The following SGSM1 variants were observed in gnomAD, a reference collection of about 807,000 sequenced individuals.
The protein encoded by SGSM1 is small G protein signaling modulator 1, also known as RUN and TBC1 domain containing 2.
SGSM1 carries 73 observed loss-of-function variants against 133.8 expected under a neutral mutation model. The ratio of observed to expected loss-of-function variants is 0.55; its 90% confidence interval spans 0.45 to 0.66. The LOEUF (loss-of-function observed/expected upper bound fraction) is 0.66, where lower values mean the gene tolerates loss of function less well. Ranked by LOEUF, SGSM1 falls within the 30% of genes least tolerant of loss-of-function variation. The probability of loss-of-function intolerance (pLI) is 0.00; values close to 1 mark genes in which losing one functional copy is unlikely to be tolerated. For synonymous variants in SGSM1, 563 were observed against 573.0 expected, an observed-to-expected ratio of 0.98 and a Z score of 0.25; for missense variants, 1,213 against 1,448.1, an observed-to-expected ratio of 0.84 and a Z score of 2.64.
intron 9 of SGSM1, among the ~76,000 whole-genome samples, chr22:24,862,012 T>C (rs1483479328): frequency 6.7e-6 from 1 of 150,080 alleles, no homozygotes; most frequent in Non-Finnish European, 1.5e-5. Flanking sequence ...TGGAGTGCAA[T>C]GGCACAATCT....
At chr22:24,909,972 A>G (rs1933558777) in intron 21 of SGSM1, among the ~76,000 whole-genome samples, 1 of 152,266 alleles carries the variant, frequency 6.6e-6, no homozygotes. Context: ...GAATGCATAA[A>G]CAAAATGTGG....
intron 2 of SGSM1, among the ~76,000 whole-genome samples, chr22:24,818,235 A>AT (rs1928231301): frequency 6.8e-6 from 1 of 148,058 alleles, no homozygotes; most frequent in African/African-American, 2.5e-5. Flanking sequence ...CTGTCTCAAA[A>AT]AAAAAAAAAA....
In SGSM1 at chr22:24,845,618, T is replaced by C. The variant is rs868053746; in HGVS notation, c.139+646T>C. On this transcript the variant is annotated intron_variant, in intron 3 of 24. Coordinates refer to ENST00000400358, the MANE Select transcript of SGSM1 (RefSeq NM_001098497.3). Reference sequence around the variant, plus strand: ...ATTTAATAATTGGAGTGTCTCATAATGCAGGACATGTTCTAATTCCCCTCC... The same window carrying C: ...ATTTAATAATTGGAGTGTCTCATAACGCAGGACATGTTCTAATTCCCCTCC... 5.4e-4 allele frequency among the ~76,000 whole-genome samples: 83 copies of C among 152,348 alleles called. 1 individual carries two copies. Among genetic ancestry groups the C allele is most frequent in the African/African-American group, 1.9e-3 (81 of 41,584 alleles).
intron 23 of SGSM1, 88 bp from the exon 24 acceptor site, chr22:24,919,738 T>C (rs1933939993): frequency 1.6e-5 from 25 of 1,526,854 alleles, no homozygotes; most frequent in Non-Finnish European, 2.1e-5. Context: ...TGCCCGGGAT[T>C]TTCCCACCTT....
At chr22:24,913,737 A>G (rs1933717299) in intron 22 of SGSM1, among the ~76,000 whole-genome samples, 1 of 152,208 alleles carries the variant, frequency 6.6e-6, no homozygotes, top group African/African-American at 2.4e-5. Context: ...CATTAACCAT[A>G]GGCCTGGGGT....
At chr22:24,876,260 A>G (rs1846237738) in intron 12 of SGSM1, among the ~76,000 whole-genome samples, 1 of 152,158 alleles carries the variant, frequency 6.6e-6, no homozygotes, top group Non-Finnish European at 1.5e-5. Flanking sequence ...TCCTGTGAGC[A>G]TGACTAAGTG....
chr22:24,910,186 G>C (rs998911106), intron 21 of SGSM1, among the ~76,000 whole-genome samples: 2 of 152,158 alleles, frequency 1.3e-5, no homozygotes, highest in Non-Finnish European at 1.5e-5. Flanking sequence ...CAGGGACTTG[G>C]GGGAGAAAGA....
Position 24,927,136 on chromosome 22 carries a change from G to T in SGSM1, c.*2862G>T, listed in dbSNP as rs536083884. The T allele has an allele frequency of 3.3e-5, 5 of 152,260 alleles. No individual in the cohort carries two copies. In the East Asian group the frequency reaches 9.7e-4, roughly 29 times the overall value. The allele number at this position is 152,260 out of a possible 1,614,324, so 9.4% of individuals were successfully genotyped here. On this transcript the variant is annotated 3_prime_UTR_variant, in exon 25 of 25. Transcript: ENST00000400358. Reference sequence around the variant, plus strand: ...ATCCCAGGCTAGGTTCAGCTAGGAGGTTCTTCTGTTCTCAGACTTCTTCAT... The same window carrying T: ...ATCCCAGGCTAGGTTCAGCTAGGAGTTTCTTCTGTTCTCAGACTTCTTCAT...
chr22:24,839,807 T>A (rs1395323519), intron 2 of SGSM1, among the ~76,000 whole-genome samples: 1 of 152,196 alleles, frequency 6.6e-6, no homozygotes, highest in Non-Finnish European at 1.5e-5. Flanking sequence ...AATGGTTTTT[T>A]CTGTGGCATC....
intron 5 of SGSM1, among the ~76,000 whole-genome samples, chr22:24,851,100 CA>C (rs68153757): frequency 0.23 from 22,285 of 95,208 alleles, 1,453 homozygotes; most frequent in Middle Eastern, 0.35. Flanking sequence ...GACTCCATCT[CA>C]AAAAAAAAAA....
At position 24,845,963 on chromosome 22, in the gene SGSM1, T is replaced by C. The variant is rs182834622; in HGVS notation, c.139+991T>C. Among the ~76,000 whole-genome samples, 30 of 129,684 alleles carry C rather than the reference T, an allele frequency of 2.3e-4. 1 individual carries two copies. The highest frequency in any genetic ancestry group is 7.2e-4 in the African/African-American group (27 of 37,334). 85.1% of individuals were successfully genotyped at this position (129,684 alleles called of 152,430 possible). On this transcript the variant is annotated intron_variant, in intron 3 of 24. Coordinates refer to ENST00000400358, the MANE Select transcript of SGSM1 (RefSeq NM_001098497.3). ...TTCTTTTCTTTCTTTCTTTCTTTCT[T>C]TCTTTCTTTCTTTCTTTCTTTCTTT...
intron 16 of SGSM1, among the ~76,000 whole-genome samples, chr22:24,889,311 G>A (rs1188184281): frequency 2.0e-5 from 3 of 151,736 alleles, no homozygotes; most frequent in Non-Finnish European, 4.4e-5. Context: ...TCATATTTTT[G>A]AGCTTCTTAT....
At chr22:24,851,296 G>A (rs1930452141) in intron 5 of SGSM1, among the ~76,000 whole-genome samples, 1 of 152,010 alleles carries the variant, frequency 6.6e-6, no homozygotes, top group Admixed American at 6.6e-5. Context: ...CTAGACGTCA[G>A]GGATATAGTG....
At chr22:24,922,013 A>G (rs1387150708) in intron 24 of SGSM1, among the ~76,000 whole-genome samples, 2 of 151,880 alleles carry the variant, frequency 1.3e-5, no homozygotes, top group East Asian at 3.9e-4. Flanking sequence ...TAATACATAT[A>G]TATCTAAAGA....
chr22:24,845,885 T>A (rs1347898361), intron 3 of SGSM1, among the ~76,000 whole-genome samples: 1 of 152,156 alleles, frequency 6.6e-6, no homozygotes, highest in African/African-American at 2.4e-5. Flanking sequence ...CAGACCTGGA[T>A]CCACCTCTGC....
intron 20 of SGSM1, among the ~76,000 whole-genome samples, chr22:24,904,307 G>A (rs570442235): frequency 2.0e-5 from 3 of 152,144 alleles, no homozygotes; most frequent in Non-Finnish European, 4.4e-5. Context: ...GAGGCCGGGC[G>A]CAGTGTCTCA....
intron 15 of SGSM1, among the ~76,000 whole-genome samples, chr22:24,885,397 T>C (rs1179773565): frequency 6.6e-6 from 1 of 151,124 alleles, no homozygotes; most frequent in Non-Finnish European, 1.5e-5. Context: ...GTTTTACAAC[T>C]TATTTTTTTT....
intron 21 of SGSM1, among the ~76,000 whole-genome samples, chr22:24,911,261 C>A (rs999941467): frequency 1.3e-5 from 2 of 148,730 alleles, no homozygotes; most frequent in Non-Finnish European, 3.0e-5. Context: ...TAAATAAATA[C>A]ATAATAAATG....
intron 21 of SGSM1, among the ~76,000 whole-genome samples, chr22:24,906,675 G>A (rs561769180): frequency 2.9e-4 from 44 of 152,338 alleles, no homozygotes; most frequent in African/African-American, 1.0e-3. Context: ...ACTCATGCCT[G>A]TAATCCCAGC....
Sources: allele counts gnomAD v4.1 joint callset (sites outside exome capture counted in the v4.1 genomes callset), GRCh38; gene constraint gnomAD v4.1.1; transcripts MANE v1.5; gene names NCBI Gene and HGNC (gene_info 2026-07-23, HGNC 2026-07-21).